ANKRD50: variants seen among roughly 807,000 people sequenced by gnomAD.
ANKRD50 encodes the protein ankyrin repeat domain 50, also known as ankyrin repeat domain-containing protein 50.
A neutral mutation model predicts 112.0 loss-of-function variants in ANKRD50; 40 were observed. The ratio of observed to expected loss-of-function variants is 0.36; its 90% CI spans 0.28 to 0.46. The LOEUF (loss-of-function observed/expected upper bound fraction) is 0.46. ANKRD50 is among the 20% of genes least tolerant of loss of function. The pLI is 1.00. For missense variants in ANKRD50, 1,487 were observed against 1,701.7 expected (o/e 0.87, Z 2.22); for synonymous variants, 613 against 619.1 (o/e 0.99, Z 0.15).
intron 2 of ANKRD50, among the ~76,000 whole-genome samples, 183 bp downstream of exon 2, chr4:124,709,817 A>G (rs544213970): frequency 6.6e-6 from 1 of 152,320 alleles, no homozygotes; most frequent in African/African-American, 2.4e-5. Flanking sequence ...GCTGTGCAAT[A>G]CCAAAACCTA....
Position 124,669,555 on chromosome 4 carries a change from G to A in ANKRD50, c.3722C>T (p.Ser1241Phe), listed in dbSNP as rs772516873. 1 of 1,613,292 alleles carries A rather than the reference G, an allele frequency of 6.2e-7. No homozygotes were observed. The highest frequency in any genetic ancestry group is 8.5e-7 in the Non-Finnish European group (1 of 1,179,824). ...TGGTGAATTATGACTCTGTCCTAAGGACTGTGTTGTGGAAGATGGGGAAAC... is the reference window on the plus strand; with the variant it reads ...TGGTGAATTATGACTCTGTCCTAAGAACTGTGTTGTGGAAGATGGGGAAAC... ...SIVSPSSTTQ[S>F]LGQSHNSPSS... Residue 1241 changes from serine (S) to phenylalanine (F), a missense_variant, in exon 4 of 5, where the codon TCC becomes TTC. By Grantham distance (155) the Ser-to-Phe change is radical (BLOSUM62 -2). Coordinates refer to ENST00000504087, the MANE Select transcript of ANKRD50 (RefSeq NM_020337.3).
At chr4:124,693,664 AC>A (rs1725186234) in intron 2 of ANKRD50, among the ~76,000 whole-genome samples, 1 of 152,148 alleles carries the variant, frequency 6.6e-6, no homozygotes, top group East Asian at 1.9e-4. Context: ...TATTTTTCCT[AC>A]ATTTATTACC....
At chr4:124,701,408 C>G (rs1259691016) in intron 2 of ANKRD50, among the ~76,000 whole-genome samples, 1 of 152,194 alleles carries the variant, frequency 6.6e-6, no homozygotes, top group African/African-American at 2.4e-5. Context: ...AGCTCCAAAT[C>G]ATTCCTCAAG....
intron 2 of ANKRD50, among the ~76,000 whole-genome samples, chr4:124,680,618 G>A (rs1724864238): frequency 6.6e-6 from 1 of 152,132 alleles, no homozygotes; most frequent in Admixed American, 6.5e-5. Context: ...GATGGCTGAT[G>A]AAAAATCAGT....
rs1291190621 is a variant in ANKRD50 at position 124,710,941 on chromosome 4, A to G, written c.-430T>C. Reference sequence around the variant, plus strand: ...CCAAGTGTTAATTCTGCATCTGACAATTAGATTCTGAAAAGAGGTCCACTG... The same window carrying G: ...CCAAGTGTTAATTCTGCATCTGACAGTTAGATTCTGAAAAGAGGTCCACTG... On this transcript the variant is annotated 5_prime_UTR_variant, in exon 2 of 5. Coordinates refer to ENST00000504087, the MANE Select transcript of ANKRD50 (RefSeq NM_020337.3). 2.4e-6 allele frequency: 1 copy of G among 419,704 alleles called. No individual in the cohort carries two copies. Among genetic ancestry groups the G allele is most frequent in the East Asian group, 3.3e-5 (1 of 30,182 alleles). The allele number at this position is 419,704 out of a possible 1,614,324, so 26.0% of individuals were successfully genotyped here. A position where few individuals can be genotyped will look rare whatever the true frequency, so the allele number is the denominator to read the frequency against.
rs781617465 is a variant in ANKRD50 at position 124,669,938 on chromosome 4, A to G, written c.3339T>C (p.Val1113=). ...GTAGAGGTTTTTGCTCCATTGTGTG[A>G]ACAGGAGATGGGGAACAGCCATTCA... is the stretch of plus-strand genomic sequence containing the variant. ...SSLNGCSPSP[V]HTMEQKPLQS... is the part of the protein sequence containing the mutation. The change falls in exon 4 of 5, where the codon GTT becomes GTC. Residue 1113 remains valine, a synonymous_variant. Transcript: ENST00000504087. The G allele has an allele frequency of 6.2e-7, 1 of 1,613,224 alleles. No individual in the cohort carries two copies. The highest frequency in any genetic ancestry group is 8.5e-7 in the Non-Finnish European group (1 of 1,179,756).
intron 2 of ANKRD50, among the ~76,000 whole-genome samples, chr4:124,689,684 T>C (rs1725086760): frequency 6.6e-6 from 1 of 152,190 alleles, no homozygotes; most frequent in Non-Finnish European, 1.5e-5. Flanking sequence ...CACCATTAGC[T>C]CTCCTGATTC....
In ANKRD50 at chr4:124,665,778, G is replaced by C. The variant is rs533137232; in HGVS notation, c.*1740C>G. Reference sequence around the variant, plus strand: ...TCAATTGAACTTATCAACTTATCTCGTAGTCCTCACTATGACTTATAGATG... The same window carrying C: ...TCAATTGAACTTATCAACTTATCTCCTAGTCCTCACTATGACTTATAGATG... On this transcript the variant is annotated 3_prime_UTR_variant, in exon 5 of 5. Coordinates refer to ENST00000504087, the MANE Select transcript of ANKRD50 (RefSeq NM_020337.3). The C allele has an allele frequency of 1.3e-5, 2 of 152,168 alleles. No homozygotes were observed. The highest frequency in any genetic ancestry group is 4.8e-5 in the African/African-American group (2 of 41,346). 9.4% of individuals were successfully genotyped at this position (152,168 alleles called of 1,614,324 possible). A position where few individuals can be genotyped will look rare whatever the true frequency, so the allele number is the denominator to read the frequency against.
chr4:124,680,871 A>G (rs116343441), intron 2 of ANKRD50, among the ~76,000 whole-genome samples: 2,051 of 152,194 alleles, frequency 0.013, 48 homozygotes, highest in African/African-American at 0.047. Flanking sequence ...AATCTAGTTG[A>G]GGCAACAGCA....
At chr4:124,712,411 C>G (rs1378141877) in intron 1 of ANKRD50, 47 bp downstream of exon 1, 3 of 156,344 alleles carry the variant, frequency 1.9e-5, no homozygotes, top group Non-Finnish European at 4.2e-5. Flanking sequence ...AGCTTCCAAC[C>G]CGAGGGAGGG....
chr4:124,675,172 T>C (rs1730745860), intron 3 of ANKRD50, among the ~76,000 whole-genome samples: 1 of 151,772 alleles, frequency 6.6e-6, no homozygotes, highest in Non-Finnish European at 1.5e-5. Flanking sequence ...TATTCTTACT[T>C]GAACTTTTCT....
chr4:124,705,410 G>A (rs144317046), intron 2 of ANKRD50, among the ~76,000 whole-genome samples: 74 of 152,194 alleles, frequency 4.9e-4, no homozygotes, highest in African/African-American at 1.7e-3. Context: ...TACCCCTGAA[G>A]ATATTTAATT....
At chr4:124,698,279 C>T (rs577629094) in intron 2 of ANKRD50, among the ~76,000 whole-genome samples, 2 of 152,054 alleles carry the variant, frequency 1.3e-5, no homozygotes, top group East Asian at 3.9e-4. Flanking sequence ...GTAAGGCAGA[C>T]TATGTAGATA....
chr4:124,683,310 T>C (rs1724934890), intron 2 of ANKRD50, among the ~76,000 whole-genome samples: 1 of 151,404 alleles, frequency 6.6e-6, no homozygotes, highest in African/African-American at 2.4e-5. Context: ...TAATATTATA[T>C]ACTATATAAT....
At chr4:124,694,780 C>T (rs1725214381) in intron 2 of ANKRD50, among the ~76,000 whole-genome samples, 1 of 151,870 alleles carries the variant, frequency 6.6e-6, no homozygotes, top group South Asian at 2.1e-4. Context: ...AATTTTTAGC[C>T]CTCATTCAAG....
At position 124,667,063 on chromosome 4, in the gene ANKRD50, C is replaced by G. The variant is rs982499940; in HGVS notation, c.*455G>C. On this transcript the variant is annotated 3_prime_UTR_variant, in exon 5 of 5. Transcript: ENST00000504087. ...GCAACGTCTTTAAAGATACAAGAAA[C>G]AGGCCATACACTACAATGCAATGTG... The G allele has an allele frequency of 3.3e-5, 5 of 151,762 alleles. No individual in the cohort carries two copies. The highest frequency in any genetic ancestry group is 1.2e-4 in the African/African-American group (5 of 41,344). The allele number at this position is 151,762 out of a possible 1,614,324, so 9.4% of individuals were successfully genotyped here. A position where few individuals can be genotyped will look rare whatever the true frequency, so the allele number is the denominator to read the frequency against.
intron 2 of ANKRD50, among the ~76,000 whole-genome samples, chr4:124,690,879 T>C (rs1040067814): frequency 6.6e-6 from 1 of 152,232 alleles, no homozygotes; most frequent in Non-Finnish European, 1.5e-5. Context: ...GTGGCTCATG[T>C]ACCCCAAACA....
intron 2 of ANKRD50, among the ~76,000 whole-genome samples, chr4:124,698,750 C>G (rs1560830085): frequency 6.6e-6 from 1 of 152,070 alleles, no homozygotes; most frequent in Non-Finnish European, 1.5e-5. Context: ...ACAAACCATC[C>G]AATTGGGATT....
chr4:124,694,834 T>C (rs1182926252), intron 2 of ANKRD50, among the ~76,000 whole-genome samples: 1 of 151,906 alleles, frequency 6.6e-6, no homozygotes, highest in Non-Finnish European at 1.5e-5. Flanking sequence ...CAATAACAAT[T>C]AGAGCAGGAA....
Sources: gnomAD v4.1 joint callset for allele counts (sites outside exome capture counted in the v4.1 genomes callset) on GRCh38, gnomAD v4.1.1 for gene constraint, MANE v1.5 for transcripts, NCBI Gene and HGNC (gene_info 2026-07-23, HGNC 2026-07-21) for gene names.